PHLPP2: variants seen among roughly 807,000 people sequenced by gnomAD.
PHLPP2 encodes PH domain leucine-rich repeat-containing protein phosphatase 2.
A neutral mutation model predicts 124.9 loss-of-function variants in PHLPP2; 66 were observed. That is an observed-to-expected ratio of 0.53 (90% CI 0.43 to 0.65). The LOEUF is 0.65. Among genes scored for constraint, PHLPP2 ranks in the 30% least tolerant of loss-of-function variants. The probability of loss-of-function intolerance (pLI) is 0.00; values close to 1 mark genes in which losing one functional copy is unlikely to be tolerated. For synonymous variants in PHLPP2, 681 were observed against 624.7 expected, an observed-to-expected ratio of 1.09 and a Z score of -1.34; for missense variants, 1,685 against 1,600.4, an observed-to-expected ratio of 1.05 and a Z score of -0.90.
intron 3 of PHLPP2, among the ~76,000 whole-genome samples, chr16:71,691,942 A>C (rs1331925943): frequency 1.3e-5 from 2 of 152,140 alleles, no homozygotes; most frequent in African/African-American, 4.8e-5. Context: ...AAAAACAAAA[A>C]AAAACAAAAC....
rs2044663142 is a variant in PHLPP2, at chr16:71,647,651, G to C, written c.*1239C>G. The C allele has an allele frequency of 6.6e-6, 1 of 152,234 alleles. No individual in the cohort carries two copies. 9.4% of individuals were successfully genotyped at this position (152,234 alleles called of 1,614,324 possible). ...GCTCCCCGCCCTTAGGAAGCTGTCT[G>C]CCAATTCCTCCACATGCTAGGGAAA... is the stretch of plus-strand genomic sequence containing the variant. On this transcript the variant is annotated 3_prime_UTR_variant, in exon 19 of 19. Coordinates refer to ENST00000568954, the MANE Select transcript of PHLPP2 (RefSeq NM_015020.3).
At chr16:71,678,265 C>A (rs1187852496) in intron 8 of PHLPP2, 1 of 153,586 alleles carries the variant, frequency 6.5e-6, no homozygotes, top group Non-Finnish European at 1.4e-5. Flanking sequence ...GGTACAACTA[C>A]CTGATCCTTA....
chr16:71,650,038 T>C lies in PHLPP2; in HGVS notation c.2824A>G (p.Lys942Glu). The part of the protein sequence containing the change: ...DQKAIITEDN[K>E]VNGVTCCTRM... The stretch of plus-strand genomic sequence containing the variant: ...GTACAGCAGGTTACCCCATTCACTT[T>C]GTTGTCCTACAGAAGAGCAGGACAC... Residue 942 changes from lysine to glutamate, a missense_variant, in exon 19 of 19, where the codon AAA becomes GAA. Lys to Glu is a moderately conservative substitution (Grantham distance 56). Coordinates refer to ENST00000568954, the MANE Select transcript of PHLPP2 (RefSeq NM_015020.3). The C allele has an allele frequency of 6.2e-7, 1 of 1,604,104 alleles. No individual in the cohort carries two copies. The highest frequency in any genetic ancestry group is 8.5e-7 in the Non-Finnish European group (1 of 1,178,038).
At chr16:71,722,668 A>C (rs2045405757) in intron 1 of PHLPP2, among the ~76,000 whole-genome samples, 1 of 152,180 alleles carries the variant, frequency 6.6e-6, no homozygotes. Context: ...GTATTTTTGA[A>C]ACACATCAAA....
chr16:71,711,840 C>T (rs1730281776), intron 2 of PHLPP2, among the ~76,000 whole-genome samples: 1 of 152,182 alleles, frequency 6.6e-6, no homozygotes, highest in African/African-American at 2.4e-5. Context: ...TAATGTAAAA[C>T]TGATCATAAA....
chr16:71,648,930 T>C lies in PHLPP2; in HGVS notation c.3932A>G (p.Asp1311Gly), dbSNP rs2044672988. ...GAACTCCTCCGGGGGCTCGGTCCGATCCTCTTCATGGGGCTCAGGCTCGAG... is the reference window on the plus strand; with the variant it reads ...GAACTCCTCCGGGGGCTCGGTCCGACCCTCTTCATGGGGCTCAGGCTCGAG... ...SRLEPEPHEE[D>G]RTEPPEEFDT... Residue 1311 changes from aspartate (D) to glycine (G), a missense_variant, in exon 19 of 19, where the codon GAT becomes GGT. By Grantham distance (94) the Asp-to-Gly change is moderately conservative. Coordinates refer to ENST00000568954, the MANE Select transcript of PHLPP2 (RefSeq NM_015020.3). The C allele has an allele frequency of 6.2e-7, 1 of 1,613,320 alleles. No individual in the cohort carries two copies. The highest frequency in any genetic ancestry group is 1.3e-5 in the African/African-American group (1 of 75,034).
At chr16:71,702,518 TA>T in intron 3 of PHLPP2, 79 bp downstream of exon 3, 1 of 1,217,116 alleles carries the variant, frequency 8.2e-7, no homozygotes. Flanking sequence ...AAAATACCTT[TA>T]AAAAGCTGAC....
chr16:71,687,104 AT>A (rs1327578566), intron 4 of PHLPP2, among the ~76,000 whole-genome samples: 5 of 152,272 alleles, frequency 3.3e-5, no homozygotes, highest in African/African-American at 4.8e-5. Context: ...CAGTCTTTTA[AT>A]TTCAGCCATT....
chr16:71,653,095 CCTTCT>C (rs1002255900), intron 17 of PHLPP2, 74 bp from the exon 18 acceptor site: 2 of 768,902 alleles, frequency 2.6e-6, no homozygotes, highest in African/African-American at 2.0e-5. Flanking sequence ...CACGTACATC[CCTTCT>C]TTTTTTTTTT....
At chr16:71,665,616 G>A (rs1357720957) in intron 12 of PHLPP2, among the ~76,000 whole-genome samples, 1 of 152,082 alleles carries the variant, frequency 6.6e-6, no homozygotes, top group Admixed American at 6.5e-5. Flanking sequence ...CTAATGGCAG[G>A]TACTGTGTGT....
intron 1 of PHLPP2, 80 bp from the exon 2 acceptor site, chr16:71,714,881 T>C (rs577829933): frequency 2.0e-6 from 3 of 1,501,034 alleles, no homozygotes; most frequent in African/African-American, 1.4e-5. Flanking sequence ...CCCACCTCTC[T>C]CTACTTTATA....
At chr16:71,653,923 C>T (rs890883569) in intron 17 of PHLPP2, among the ~76,000 whole-genome samples, 10 of 151,926 alleles carry the variant, frequency 6.6e-5, no homozygotes, top group Admixed American at 2.0e-4. Context: ...TAGCCTGGTG[C>T]AGTGGCTCAC....
At position 71,690,614 on chromosome 16, in the gene PHLPP2, G is replaced by A. The variant is rs757343484; in HGVS notation, c.514C>T (p.Arg172Cys). 12 of 1,610,916 alleles carry A rather than the reference G, an allele frequency of 7.4e-6. No individual in the cohort carries two copies. The African/African-American group carries it at 8.0e-5, about 11-fold the overall frequency. ...GKTQLHKWAE[R>C]LVVLCGTCLI... ...CAGGTACCACAGAGGACAACTAGGCGCTCAGCCCACTTATGCAGCTGGGTC... is the reference window on the plus strand; with the variant it reads ...CAGGTACCACAGAGGACAACTAGGCACTCAGCCCACTTATGCAGCTGGGTC... The change falls in exon 4 of 19, where the codon CGC (arginine) becomes TGC (cysteine). Residue 172 changes from arginine (R) to cysteine (C), a missense_variant. Physicochemically the swap from Arg to Cys is radical, Grantham distance 180. Transcript: ENST00000568954.
chr16:71,721,338 T>A (rs1477948702), intron 1 of PHLPP2, among the ~76,000 whole-genome samples: 1 of 152,160 alleles, frequency 6.6e-6, no homozygotes, highest in Admixed American at 6.5e-5. Flanking sequence ...CGTTTTGGGC[T>A]GGGTGCAGTG....
intron 16 of PHLPP2, among the ~76,000 whole-genome samples, chr16:71,655,760 G>A (rs2044736951): frequency 6.6e-6 from 1 of 152,068 alleles, no homozygotes; most frequent in Non-Finnish European, 1.5e-5. Context: ...AAAGTCCTGG[G>A]ATTACAGGTG....
At chr16:71,681,513 T>C (rs544748087) in intron 6 of PHLPP2, among the ~76,000 whole-genome samples, 1 of 152,330 alleles carries the variant, frequency 6.6e-6, no homozygotes, top group Non-Finnish European at 1.5e-5. Context: ...TCGGTGTCAA[T>C]GATTCACATG....
chr16:71,656,859 C>T (rs1181601225), intron 15 of PHLPP2, among the ~76,000 whole-genome samples, 178 bp from the exon 16 acceptor site: 1 of 151,802 alleles, frequency 6.6e-6, no homozygotes, highest in Non-Finnish European at 1.5e-5. Flanking sequence ...AAGCAATTCT[C>T]CTGCCTCAGC....
intron 9 of PHLPP2, among the ~76,000 whole-genome samples, chr16:71,675,828 A>T (rs2044940707): frequency 6.6e-6 from 1 of 152,076 alleles, no homozygotes; most frequent in Non-Finnish European, 1.5e-5. Flanking sequence ...GGCTCAAGTG[A>T]TCCTCCCATC....
At chr16:71,683,212 A>T (rs1014085642) in intron 5 of PHLPP2, among the ~76,000 whole-genome samples, 22 of 152,092 alleles carry the variant, frequency 1.4e-4, no homozygotes, top group South Asian at 2.1e-4. Context: ...TTTTGATGGC[A>T]TGTCCTTATA....
Sources: gnomAD v4.1 joint callset for allele counts (sites outside exome capture counted in the v4.1 genomes callset) on GRCh38, gnomAD v4.1.1 for gene constraint, MANE v1.5 for transcripts, NCBI Gene and HGNC (gene_info 2026-07-23, HGNC 2026-07-21) for gene names.